Variants in ATL2 observed in about 807,000 individuals in gnomAD.
ATL2 encodes atlastin-2.
Under a neutral mutation model 73.9 loss-of-function variants are expected in ATL2, and 31 were observed. The ratio of observed to expected loss-of-function variants is 0.42; its 90% confidence interval spans 0.32 to 0.57. The LOEUF (loss-of-function observed/expected upper bound fraction) is 0.57, where lower values mean the gene tolerates loss of function less well. ATL2 is among the 20% of genes least tolerant of loss of function. The probability of loss-of-function intolerance (pLI) is 0.14; values close to 1 mark genes in which losing one functional copy is unlikely to be tolerated. For missense variants in ATL2, 738 were observed against 702.6 expected (o/e 1.05, Z -0.57); for synonymous variants, 291 against 237.5 (o/e 1.23, Z -2.07).
chr2:38,331,141 C>CA (rs900058188), intron 2 of ATL2, among the ~76,000 whole-genome samples: 52 of 150,014 alleles, frequency 3.5e-4, no homozygotes, highest in Non-Finnish European at 3.4e-4. Context: ...TACTAACATA[C>CA]AAAAAAAAAC....
At chr2:38,325,730 ACACACACAC>A (rs1668614668) in intron 2 of ATL2, among the ~76,000 whole-genome samples, 1 of 118,808 alleles carries the variant, frequency 8.4e-6, no homozygotes, top group Admixed American at 7.7e-5. Flanking sequence ...ACACACACAC[ACACACACAC>A]ACACACACAC....
intron 2 of ATL2, 102 bp downstream of exon 2, chr2:38,343,166 A>T: frequency 1.3e-6 from 1 of 781,018 alleles, no homozygotes; most frequent in Admixed American, 4.1e-5. Context: ...AAAAAAAAAA[A>T]AAAAAAAAAA....
intron 9 of ATL2, among the ~76,000 whole-genome samples, chr2:38,301,672 T>C (rs961329708): frequency 6.6e-6 from 1 of 152,198 alleles, no homozygotes; most frequent in Admixed American, 6.5e-5. Flanking sequence ...AGGAAGAATT[T>C]AGACCAGCCC....
At chr2:38,371,198 T>TAA (rs556240788) in intron 1 of ATL2, among the ~76,000 whole-genome samples, 1 of 139,960 alleles carries the variant, frequency 7.1e-6, no homozygotes. Flanking sequence ...TCTCTTTAAT[T>TAA]AAAAAAAAAA....
At chr2:38,365,377 G>T (rs1369715470) in intron 1 of ATL2, among the ~76,000 whole-genome samples, 2 of 151,670 alleles carry the variant, frequency 1.3e-5, no homozygotes, top group Admixed American at 1.3e-4. Flanking sequence ...AGAGAAGGCC[G>T]GGCACAGTGG....
chr2:38,319,970 T>G (rs1668230018), intron 2 of ATL2, among the ~76,000 whole-genome samples: 1 of 152,026 alleles, frequency 6.6e-6, no homozygotes, highest in Admixed American at 6.6e-5. Flanking sequence ...TAGCCAGGTG[T>G]TGTGGCATAT....
At position 38,345,404 on chromosome 2, in the gene ATL2, T is replaced by C. The variant is rs941542172; in HGVS notation, c.119-1892A>G. 2.2e-4 allele frequency among the ~76,000 whole-genome samples: 34 copies of C among 152,186 alleles called. 1 individual carries two copies. The highest frequency in any genetic ancestry group is 5.9e-5 in the Non-Finnish European group (4 of 68,038). On this transcript the variant is annotated intron_variant, in intron 1 of 12. Coordinates refer to ENST00000378954, the MANE Select transcript of ATL2 (RefSeq NM_001135673.4). ...CTTATTACCAAAAGAAGCATCTCAC[T>C]TATCTGATTTGCAAAGACTATTAGA...
intron 2 of ATL2, among the ~76,000 whole-genome samples, chr2:38,338,349 T>C (rs1484303450): frequency 3.3e-5 from 5 of 152,150 alleles, no homozygotes; most frequent in African/African-American, 7.2e-5. Context: ...AACTATTGGT[T>C]ACTACGCTCA....
chr2:38,347,494 T>A (rs1670091111), intron 1 of ATL2, among the ~76,000 whole-genome samples: 1 of 152,142 alleles, frequency 6.6e-6, no homozygotes, highest in Admixed American at 6.6e-5. Context: ...AAATCACAGA[T>A]CCCTTTCCTT....
In ATL2 at chr2:38,294,904, T is replaced by G. The variant is rs886133592; in HGVS notation, c.*1090A>C. The stretch of plus-strand genomic sequence containing the variant: ...GTTTCATTTTATATATACAACAAAT[T>G]TTTAATTATGTACTGAAAATAAATT... On this transcript the variant is annotated 3_prime_UTR_variant, in exon 13 of 13. Transcript: ENST00000378954. The G allele has an allele frequency of 6.6e-6, 1 of 150,732 alleles. No homozygotes were observed. The highest frequency in any genetic ancestry group is 1.5e-5 in the Non-Finnish European group (1 of 67,950). The allele number at this position is 150,732 out of a possible 1,614,324, so 9.3% of individuals were successfully genotyped here. A position where few individuals can be genotyped will look rare whatever the true frequency, so the allele number is the denominator to read the frequency against.
In ATL2 at chr2:38,304,733, T is replaced by A. The variant is rs139726018; in HGVS notation, c.1072-4405A>T. ...GTTTAGGCAATCAGTGTTATCAGTT[T>A]AAAATAAATATATTATAGTTGCAAA... On this transcript the variant is annotated intron_variant, in intron 9 of 12. Transcript: ENST00000378954. Among the ~76,000 whole-genome samples, 823 of 152,268 alleles carry A rather than the reference T, an allele frequency of 5.4e-3. 3 individuals carry two copies. The highest frequency in any genetic ancestry group is 0.018 in the African/African-American group (749 of 41,558).
chr2:38,374,084 T>A (rs755617121), intron 1 of ATL2, among the ~76,000 whole-genome samples: 1 of 151,826 alleles, frequency 6.6e-6, no homozygotes, highest in Non-Finnish European at 1.5e-5. Flanking sequence ...AGAGAGGGGG[T>A]TTCTCCATGT....
chr2:38,295,141 G>A lies in ATL2; in HGVS notation c.*853C>T, dbSNP rs1244278942. ...ACAGTACTTATTTAGCCTACCACAGGACCAGATTTTGCCATAAACTACAAA... is the reference window on the plus strand; with the variant it reads ...ACAGTACTTATTTAGCCTACCACAGAACCAGATTTTGCCATAAACTACAAA... On this transcript the variant is annotated 3_prime_UTR_variant, in exon 13 of 13. Coordinates refer to ENST00000378954, the MANE Select transcript of ATL2 (RefSeq NM_001135673.4). The A allele has an allele frequency of 6.6e-6, 1 of 151,966 alleles. No homozygotes were observed. Among genetic ancestry groups the A allele is most frequent in the African/African-American group, 2.4e-5 (1 of 41,348 alleles). The allele number at this position is 151,966 out of a possible 1,614,324, so 9.4% of individuals were successfully genotyped here.
At chr2:38,320,413 C>A (rs1175359224) in intron 2 of ATL2, among the ~76,000 whole-genome samples, 1 of 152,074 alleles carries the variant, frequency 6.6e-6, no homozygotes. Context: ...ACAGATAAAA[C>A]AAGACCAGCA....
rs112966957 is a variant in ATL2, at chr2:38,315,023, G to A, written c.654+261C>T. Among the ~76,000 whole-genome samples, 747 of 152,318 alleles carry A rather than the reference G, an allele frequency of 4.9e-3. 7 individuals carry two copies. Among genetic ancestry groups the A allele is most frequent in the African/African-American group, 0.017 (689 of 41,574 alleles). ...TCCCAGCACTTTGGGAGGCCGAGGCGGGCGGATCACCCAAGGTTAGAAGTT... is the reference window on the plus strand; with the variant it reads ...TCCCAGCACTTTGGGAGGCCGAGGCAGGCGGATCACCCAAGGTTAGAAGTT... On this transcript the variant is annotated intron_variant, in intron 5 of 12. Transcript: ENST00000378954.
At chr2:38,311,394 A>G (rs1409897608) in intron 7 of ATL2, among the ~76,000 whole-genome samples, 1 of 152,120 alleles carries the variant, frequency 6.6e-6, no homozygotes, top group East Asian at 1.9e-4. Context: ...TCTCCTAAAC[A>G]CTCTTCTGGA....
chr2:38,298,088 G>A (rs1666988300), intron 12 of ATL2, 56 bp downstream of exon 12: 1 of 1,484,260 alleles, frequency 6.7e-7, no homozygotes, highest in African/African-American at 1.4e-5. Flanking sequence ...TGCAAAGGAT[G>A]GAAAGTCACA....
At chr2:38,300,407 A>G in intron 9 of ATL2, 79 bp from the exon 10 acceptor site, 1 of 967,912 alleles carries the variant, frequency 1.0e-6, no homozygotes, top group East Asian at 2.5e-5. Flanking sequence ...AAGTCATTAA[A>G]TATAAAAATA....
At chr2:38,366,701 AG>A (rs1671351365) in intron 1 of ATL2, among the ~76,000 whole-genome samples, 1 of 152,230 alleles carries the variant, frequency 6.6e-6, no homozygotes, top group African/African-American at 2.4e-5. Flanking sequence ...ATATGCATAA[AG>A]TCTCTATGAT....
Sources: allele counts gnomAD v4.1 joint callset (sites outside exome capture counted in the v4.1 genomes callset), GRCh38; gene constraint gnomAD v4.1.1; transcripts MANE v1.5; gene names NCBI Gene and HGNC (gene_info 2026-07-23, HGNC 2026-07-21).